The following SAMHD1 variants were observed in gnomAD, a reference collection of about 807,000 sequenced individuals.
SAMHD1 encodes SAM and HD domain containing deoxynucleoside triphosphate triphosphohydrolase 1, also known as deoxynucleoside triphosphate triphosphohydrolase SAMHD1.
In SAMHD1, 54 loss-of-function variants were observed where a neutral mutation model predicts 79.6. The observed-to-expected ratio is 0.68, with a 90% CI of 0.55 to 0.85. The LOEUF (loss-of-function observed/expected upper bound fraction) is 0.85. Among genes scored for constraint, SAMHD1 ranks in the 40% least tolerant of loss-of-function variants. The pLI is 0.00. For missense variants in SAMHD1, 663 were observed against 782.7 expected, an observed-to-expected ratio of 0.85 and a Z score of 1.82; for synonymous variants, 260 against 264.1, an observed-to-expected ratio of 0.98 and a Z score of 0.15.
At chr20:36,951,327 A>T (rs2063732985) in intron 1 of SAMHD1, 109 bp downstream of exon 1, 1 of 1,498,914 alleles carries the variant, frequency 6.7e-7, no homozygotes, top group Non-Finnish European at 9.1e-7. Flanking sequence ...CTCCCGCCGC[A>T]GGGCTCGCTC....
At position 36,951,636 on chromosome 20, in the gene SAMHD1, C is replaced by G. The variant is rs551472065; in HGVS notation, c.8G>C (p.Arg3Pro). MQ[R>P]ADSEQPSKRP... The stretch of plus-strand genomic sequence containing the variant: ...CTTGGAGGGCTGCTCGGAATCGGCT[C>G]GCTGCATGGCTACACCTGGCGTCCG... The change falls in exon 1 of 16, where the codon CGA becomes CCA. Residue 3 changes from arginine (R) to proline (P), a missense_variant. Transcript: ENST00000646673. 1 of 1,613,564 alleles carries G rather than the reference C, an allele frequency of 6.2e-7. No homozygotes were observed. The highest frequency in any genetic ancestry group is 8.5e-7 in the Non-Finnish European group (1 of 1,179,986).
At chr20:36,947,937 G>A (rs1300621046) in intron 1 of SAMHD1, among the ~76,000 whole-genome samples, 1 of 152,042 alleles carries the variant, frequency 6.6e-6, no homozygotes, top group African/African-American at 2.4e-5. Flanking sequence ...CTCCCAAAGT[G>A]CTGGGATTAT....
intron 3 of SAMHD1, among the ~76,000 whole-genome samples, chr20:36,936,865 G>A (rs2063607234): frequency 6.6e-6 from 1 of 151,990 alleles, no homozygotes. Flanking sequence ...TTCTGGCAGG[G>A]CATGGTGGCT....
At chr20:36,916,877 CT>C in intron 8 of SAMHD1, 47 bp from the exon 9 acceptor site, 11 of 1,583,272 alleles carry the variant, frequency 6.9e-6, no homozygotes, top group Non-Finnish European at 9.5e-6. Flanking sequence ...AACAAGGAAG[CT>C]GTACCTTAAA....
intron 15 of SAMHD1, among the ~76,000 whole-genome samples, chr20:36,896,900 G>A (rs1231734237): frequency 6.6e-6 from 1 of 150,632 alleles, no homozygotes; most frequent in Non-Finnish European, 1.5e-5. Flanking sequence ...GTCTCCTCAT[G>A]GTCCCCTAAA....
chr20:36,920,428 C>A (rs1043444246), intron 6 of SAMHD1, among the ~76,000 whole-genome samples: 1 of 152,042 alleles, frequency 6.6e-6, no homozygotes, highest in Non-Finnish European at 1.5e-5. Flanking sequence ...TCCCCGCCCC[C>A]GCAGAAACAA....
At chr20:36,930,600 A>G (rs1199539525) in intron 5 of SAMHD1, among the ~76,000 whole-genome samples, 160 bp downstream of exon 5, 1 of 152,232 alleles carries the variant, frequency 6.6e-6, no homozygotes, top group East Asian at 1.9e-4. Flanking sequence ...CTACTTATGA[A>G]TCATTCTAGG....
chr20:36,948,306 G>A (rs2063708454), intron 1 of SAMHD1, among the ~76,000 whole-genome samples: 1 of 151,924 alleles, frequency 6.6e-6, no homozygotes, highest in Non-Finnish European at 1.5e-5. Flanking sequence ...AGGCTGGAGT[G>A]CAGTGGCGGG....
intron 15 of SAMHD1, among the ~76,000 whole-genome samples, chr20:36,894,465 T>TCGTGATC (rs1990160131): frequency 6.6e-6 from 1 of 151,968 alleles, no homozygotes; most frequent in Non-Finnish European, 1.5e-5. Flanking sequence ...ACTCCTGACC[T>TCGTGATC]CAGTAAAGGC....
At chr20:36,905,615 C>G (rs1601119790) in intron 11 of SAMHD1, 112 bp from the exon 12 acceptor site, 1 of 929,532 alleles carries the variant, frequency 1.1e-6, no homozygotes, top group East Asian at 2.6e-5. Flanking sequence ...AATGTAGGTA[C>G]ATTATTATTT....
At chr20:36,924,351 GAAAAAGA>G (rs2063524127) in intron 6 of SAMHD1, among the ~76,000 whole-genome samples, 1 of 147,830 alleles carries the variant, frequency 6.8e-6, no homozygotes, top group African/African-American at 2.5e-5. Context: ...GGAAGGAAGG[GAAAAAGA>G]GAAAGAATGA....
At chr20:36,918,466 T>G (rs775843959) in intron 7 of SAMHD1, among the ~76,000 whole-genome samples, 8 of 151,120 alleles carry the variant, frequency 5.3e-5, no homozygotes, top group Non-Finnish European at 1.2e-4. Flanking sequence ...AAAAAAAAAT[T>G]TTTTTTAATG....
chr20:36,898,344 A>C, intron 14 of SAMHD1, 96 bp downstream of exon 14: 1 of 936,100 alleles, frequency 1.1e-6, no homozygotes, highest in South Asian at 1.3e-5. Flanking sequence ...AATTGTAAAG[A>C]TATGCCTTAA....
chr20:36,942,759 G>A (rs1178965294), intron 2 of SAMHD1, among the ~76,000 whole-genome samples: 4 of 151,782 alleles, frequency 2.6e-5, no homozygotes, highest in Admixed American at 6.6e-5. Context: ...CCATTCTCCC[G>A]CCTCAGCCTC....
intron 15 of SAMHD1, chr20:36,894,071 C>T: frequency 2.5e-6 from 1 of 396,808 alleles, no homozygotes. Flanking sequence ...CTCCCTTGGT[C>T]TCTCCTATCC....
intron 3 of SAMHD1, chr20:36,940,555 C>A: frequency 5.9e-6 from 1 of 168,938 alleles, no homozygotes; most frequent in Non-Finnish European, 1.3e-5. Context: ...AAAAATTAGC[C>A]AGGTGTGGTG....
intron 12 of SAMHD1, chr20:36,904,508 G>A (rs539656925): frequency 1.2e-5 from 5 of 416,486 alleles, no homozygotes; most frequent in South Asian, 1.1e-4. Context: ...CATGAGGTCG[G>A]GAGTTCGAGA....
At chr20:36,904,301 G>C (rs767917818) in intron 12 of SAMHD1, 52 bp from the exon 13 acceptor site, 1 of 1,268,804 alleles carries the variant, frequency 7.9e-7, no homozygotes, top group Admixed American at 1.7e-5. Flanking sequence ...TCAAGTCTTT[G>C]AGCCACAAAC....
intron 4 of SAMHD1, among the ~76,000 whole-genome samples, chr20:36,932,822 G>A (rs958470128): frequency 4.6e-5 from 7 of 151,578 alleles, no homozygotes; most frequent in South Asian, 2.1e-4. Flanking sequence ...TTTGGCAATC[G>A]ATTGGTTGCA....
Sources: allele counts gnomAD v4.1 joint callset (sites outside exome capture counted in the v4.1 genomes callset), GRCh38; gene constraint gnomAD v4.1.1; transcripts MANE v1.5; gene names NCBI Gene and HGNC (gene_info 2026-07-23, HGNC 2026-07-21).